Variants in DNAJC15 observed in about 807,000 individuals in gnomAD.
DNAJC15 encodes DnaJ heat shock protein family (Hsp40) member C15, also known as dnaJ homolog subfamily C member 15.
In DNAJC15, 27 loss-of-function variants were observed where a neutral mutation model predicts 22.4. That is an observed-to-expected ratio of 1.20 (90% CI 0.89 to 1.66). The LOEUF (loss-of-function observed/expected upper bound fraction) is 1.66, where lower values mean the gene tolerates loss of function less well. Ranked by LOEUF, DNAJC15 falls within the 40% of genes most tolerant of loss-of-function variation. The pLI is 0.00. For synonymous variants in DNAJC15, 79 were observed against 63.2 expected (o/e 1.25, Z -1.19); for missense variants, 208 against 187.1 (o/e 1.11, Z -0.65).
In DNAJC15 at chr13:43,109,998, A is replaced by C. The variant is rs1269163901; in HGVS notation, c.*2750A>C. The C allele has an allele frequency of 6.6e-6, 1 of 152,192 alleles. No individual in the cohort carries two copies. Among genetic ancestry groups the C allele is most frequent in the African/African-American group, 2.4e-5 (1 of 41,440 alleles). The allele number at this position is 152,192 out of a possible 1,614,324, so 9.4% of individuals were successfully genotyped here. ...CCTCATTTAATTAGTTTTATCTTTA[A>C]TAATACCTTGGATTCAGGGTAAAGT... is the stretch of plus-strand genomic sequence containing the variant. On this transcript the variant is annotated 3_prime_UTR_variant, in exon 6 of 6. Coordinates refer to ENST00000379221, the MANE Select transcript of DNAJC15 (RefSeq NM_013238.3).
At chr13:43,053,838 A>G (rs2040517051) in intron 1 of DNAJC15, among the ~76,000 whole-genome samples, 2 of 152,014 alleles carry the variant, frequency 1.3e-5, no homozygotes, top group Middle Eastern at 3.4e-3. Flanking sequence ...GTTTTCTGGT[A>G]TACAATCATA....
chr13:43,090,292 C>T (rs139026670), intron 5 of DNAJC15, among the ~76,000 whole-genome samples: 1 of 152,310 alleles, frequency 6.6e-6, no homozygotes, highest in African/African-American at 2.4e-5. Flanking sequence ...CTTGTTTGAG[C>T]ATGGTGTGAT....
chr13:43,057,354 T>G (rs2040536687), intron 1 of DNAJC15, among the ~76,000 whole-genome samples: 1 of 152,184 alleles, frequency 6.6e-6, no homozygotes, highest in Admixed American at 6.5e-5. Flanking sequence ...GCCTTGTCTT[T>G]GAGCTATGAA....
At chr13:43,049,027 T>A (rs1479730745) in intron 1 of DNAJC15, among the ~76,000 whole-genome samples, 2 of 152,178 alleles carry the variant, frequency 1.3e-5, no homozygotes, top group Admixed American at 1.3e-4. Context: ...GCTACATATG[T>A]GTGACACTTA....
chr13:43,068,832 A>G (rs2040594966), intron 2 of DNAJC15, 98 bp from the exon 3 acceptor site: 2 of 1,001,866 alleles, frequency 2.0e-6, no homozygotes, highest in South Asian at 2.0e-5. Flanking sequence ...GCAATAACAT[A>G]TATAAACTAT....
intron 5 of DNAJC15, among the ~76,000 whole-genome samples, chr13:43,090,586 G>A (rs1233548968): frequency 6.6e-6 from 1 of 151,896 alleles, no homozygotes; most frequent in Non-Finnish European, 1.5e-5. Context: ...AAAACTAACT[G>A]GTTATTTTGC....
rs138821271 is a variant in DNAJC15 at position 43,096,164 on chromosome 13, T to C, written c.382+10326T>C. Among the ~76,000 whole-genome samples the C allele has an allele frequency of 1.2e-4, 18 of 152,286 alleles. No homozygotes were observed. The East Asian group carries it at 3.5e-3, about 29-fold the overall frequency. On this transcript the variant is annotated intron_variant, in intron 5 of 5. Transcript: ENST00000379221. ...TAATGTTTTAAGTCTCAAAAGTCAA[T>C]TGTATAACTGTGGGACAGAGATTTG...
intron 5 of DNAJC15, among the ~76,000 whole-genome samples, chr13:43,095,085 A>G (rs1237295814): frequency 6.6e-6 from 1 of 152,132 alleles, no homozygotes; most frequent in Non-Finnish European, 1.5e-5. Flanking sequence ...ACACTACTCC[A>G]TCATAACCAA....
intron 5 of DNAJC15, among the ~76,000 whole-genome samples, chr13:43,087,907 G>A (rs1196747072): frequency 2.0e-5 from 3 of 152,188 alleles, no homozygotes; most frequent in Non-Finnish European, 4.4e-5. Flanking sequence ...CTTTTTCAAT[G>A]TAGTGAGATA....
In DNAJC15 at chr13:43,068,915, C is replaced by G; in HGVS notation, c.161-15C>G. 1.9e-6 allele frequency: 3 copies of G among 1,606,402 alleles called. No individual in the cohort carries two copies. Among genetic ancestry groups the G allele is most frequent in the Non-Finnish European group, 2.6e-6 (3 of 1,176,150 alleles). On this transcript the variant is annotated splice_polypyrimidine_tract_variant and intron_variant, in intron 2 of 5. Coordinates refer to ENST00000379221, the MANE Select transcript of DNAJC15 (RefSeq NM_013238.3). ...TATAGAAAATACATTTGCTTTTATT[C>G]CCTTTACTATTTAGGTCGCTACGCA...
At chr13:43,080,090 T>C (rs2040654742) in intron 4 of DNAJC15, among the ~76,000 whole-genome samples, 1 of 152,140 alleles carries the variant, frequency 6.6e-6, no homozygotes, top group African/African-American at 2.4e-5. Flanking sequence ...TTTTAAACTT[T>C]TAGGTTCAGG....
intron 2 of DNAJC15, among the ~76,000 whole-genome samples, chr13:43,067,016 G>A (rs1401633956): frequency 1.3e-5 from 2 of 152,158 alleles, no homozygotes; most frequent in Admixed American, 1.3e-4. Flanking sequence ...CTAATTAAAT[G>A]TTAATTTGAG....
At chr13:43,078,757 C>A in intron 4 of DNAJC15, 69 bp downstream of exon 4, 2 of 1,426,432 alleles carry the variant, frequency 1.4e-6, no homozygotes, top group Non-Finnish European at 1.9e-6. Context: ...GAAAACGTTA[C>A]AATAAGGTTA....
At chr13:43,032,503 A>G (rs1158308867) in intron 1 of DNAJC15, among the ~76,000 whole-genome samples, 1 of 152,226 alleles carries the variant, frequency 6.6e-6, no homozygotes, top group Non-Finnish European at 1.5e-5. Flanking sequence ...TGTCCTTGGA[A>G]TATCATTTCC....
rs73476111 is a variant in DNAJC15, at chr13:43,085,943, G to A, written c.382+105G>A. 0.01 allele frequency: 10,285 copies of A among 1,002,016 alleles called. 715 individuals carry two copies. In the African/African-American group the frequency reaches 0.15, roughly 15 times the overall value. 62.1% of individuals were successfully genotyped at this position (1,002,016 alleles called of 1,614,324 possible). A position where few individuals can be genotyped will look rare whatever the true frequency, so the allele number is the denominator to read the frequency against. On this transcript the variant is annotated intron_variant, in intron 5 of 5. Coordinates refer to ENST00000379221, the MANE Select transcript of DNAJC15 (RefSeq NM_013238.3). ...ATATAGTTGAGATGGAAGTTTGTGC[G>A]CCACATGTATTGTGATTTTTTTCTC...
At chr13:43,078,259 C>T (rs898895803) in intron 3 of DNAJC15, among the ~76,000 whole-genome samples, 51 of 152,274 alleles carry the variant, frequency 3.3e-4, no homozygotes, top group Non-Finnish European at 7.4e-5. Flanking sequence ...TAAACGATGT[C>T]TGCCATATCA....
chr13:43,027,346 C>A (rs369482600), intron 1 of DNAJC15, among the ~76,000 whole-genome samples: 13 of 152,128 alleles, frequency 8.5e-5, no homozygotes, highest in African/African-American at 3.1e-4. Context: ...TGTCTCATCA[C>A]CTAGGTATTA....
intron 1 of DNAJC15, among the ~76,000 whole-genome samples, chr13:43,030,531 A>G (rs1240382869): frequency 6.6e-6 from 1 of 152,246 alleles, no homozygotes; most frequent in Non-Finnish European, 1.5e-5. Flanking sequence ...GCAAATTTAA[A>G]TGCCCAATTA....
intron 5 of DNAJC15, among the ~76,000 whole-genome samples, chr13:43,098,822 G>A (rs61689173): frequency 0.015 from 2,358 of 152,270 alleles, 56 homozygotes; most frequent in African/African-American, 0.054. Context: ...ATTGTGAAAT[G>A]TGAGTCCTCC....
Sources: allele counts gnomAD v4.1 joint callset (sites outside exome capture counted in the v4.1 genomes callset), GRCh38; gene constraint gnomAD v4.1.1; transcripts MANE v1.5; gene names NCBI Gene and HGNC (gene_info 2026-07-23, HGNC 2026-07-21).